The following IPO5 variants were observed in gnomAD, a reference collection of about 807,000 sequenced individuals.
IPO5 encodes importin-5.
In IPO5, 18 loss-of-function variants were observed where a neutral mutation model predicts 143.3. That is an observed-to-expected ratio of 0.13 (90% CI 0.09 to 0.19). IPO5 has a LOEUF of 0.19. IPO5 is among the 10% of genes least tolerant of loss of function. The pLI is 1.00. For synonymous variants in IPO5, 477 were observed against 465.7 expected, an observed-to-expected ratio of 1.02 and a Z score of -0.31; for missense variants, 1,013 against 1,336.9, an observed-to-expected ratio of 0.76 and a Z score of 3.78.
intron 2 of IPO5, among the ~76,000 whole-genome samples, chr13:97,961,642 C>T (rs1279246963): frequency 6.6e-6 from 1 of 152,120 alleles, no homozygotes; most frequent in African/African-American, 2.4e-5. Flanking sequence ...TGGTAACTTA[C>T]ATTGTGGTTT....
chr13:98,019,880 A>T, intron 27 of IPO5, 71 bp downstream of exon 27: 1 of 999,556 alleles, frequency 1.0e-6, no homozygotes, highest in Non-Finnish European at 1.6e-6. Flanking sequence ...GCCTAACATC[A>T]GTCTTTTAAG....
intron 9 of IPO5, 46 bp from the exon 10 acceptor site, chr13:97,992,846 T>G: frequency 6.4e-7 from 1 of 1,570,680 alleles, no homozygotes; most frequent in South Asian, 1.2e-5. Flanking sequence ...AATGAGGCAT[T>G]ATAAAGTGAA....
intron 21 of IPO5, among the ~76,000 whole-genome samples, chr13:98,012,563 T>C (rs1889792950): frequency 1.3e-5 from 2 of 152,192 alleles, no homozygotes; most frequent in Non-Finnish European, 2.9e-5. Context: ...TTTGTCAGCT[T>C]TCTGTGGCCC....
intron 11 of IPO5, among the ~76,000 whole-genome samples, chr13:97,996,935 A>G (rs1328017350): frequency 4.6e-5 from 7 of 152,186 alleles, no homozygotes; most frequent in Non-Finnish European, 1.0e-4. Context: ...AGTAATAACA[A>G]TTTCATGCCT....
In IPO5 at chr13:98,002,888, A is replaced by T. The variant is rs768172361; in HGVS notation, c.1348A>T (p.Met450Leu). ...GGTGATTGCAGCTCTGCTGCAGACC[A>T]TGGAAGACCAAGGCAATCAACGTGT... ...EKVIAALLQT[M>L]EDQGNQRVQA... Residue 450 changes from methionine (M) to leucine (L), a missense_variant, in exon 16 of 29, where the codon ATG (methionine) becomes TTG (leucine). Around this residue, in one of 2 missense-constraint regions of IPO5, gnomAD observed 685 missense variants for 994.9 expected, o/e 0.69. Coordinates refer to ENST00000651721, the MANE Select transcript of IPO5 (RefSeq NM_002271.6). 2.5e-6 allele frequency: 4 copies of T among 1,613,222 alleles called. No individual in the cohort carries two copies. Among genetic ancestry groups the T allele is most frequent in the East Asian group, 2.2e-5 (1 of 44,896 alleles).
At chr13:97,989,292 G>C (rs561465098) in intron 7 of IPO5, 128 bp downstream of exon 7, 47 of 522,256 alleles carry the variant, frequency 9.0e-5, no homozygotes, top group Middle Eastern at 4.2e-4. Flanking sequence ...CATAAGTTTT[G>C]TTTGTATTTG....
intron 16 of IPO5, among the ~76,000 whole-genome samples, chr13:98,004,775 T>G (rs1483927320): frequency 6.6e-6 from 1 of 152,194 alleles, no homozygotes; most frequent in African/African-American, 2.4e-5. Flanking sequence ...GTTGAATGTG[T>G]AACACAAGTT....
intron 11 of IPO5, among the ~76,000 whole-genome samples, chr13:97,997,114 A>G (rs1888358077): frequency 6.6e-6 from 1 of 152,242 alleles, no homozygotes; most frequent in South Asian, 2.1e-4. Context: ...AGAAAAAAGC[A>G]AATTGCCGAG....
At chr13:97,988,283 G>T (rs549196540) in intron 6 of IPO5, among the ~76,000 whole-genome samples, 2 of 152,280 alleles carry the variant, frequency 1.3e-5, no homozygotes, top group East Asian at 3.9e-4. Context: ...TGCAAAGTGT[G>T]AGCACCCTGT....
chr13:97,961,016 C>T (rs1404368694), intron 2 of IPO5, among the ~76,000 whole-genome samples: 2 of 152,184 alleles, frequency 1.3e-5, no homozygotes, highest in Non-Finnish European at 2.9e-5. Flanking sequence ...ACATGGCAAG[C>T]ACCAATCTAC....
At chr13:98,008,025 A>G (rs1889411022) in intron 17 of IPO5, 34 bp from the exon 18 acceptor site, 1 of 1,392,954 alleles carries the variant, frequency 7.2e-7, no homozygotes, top group Non-Finnish European at 1.0e-6. Flanking sequence ...AAAATTCGGT[A>G]TCAACAAGTG....
Position 97,985,435 on chromosome 13 carries a change from C to T in IPO5, c.186C>T (p.Ala62=), listed in dbSNP as rs35219274. 2.8e-4 allele frequency: 457 copies of T among 1,613,764 alleles called. 1 individual carries two copies. The African/African-American group carries it at 5.0e-3, about 18-fold the overall frequency. ...TTAAEEARQM[A]AVLLRRLLSS... ...TCTGTTTATAGGCTAGACAAATGGC[C>T]GCCGTTCTCCTAAGACGTCTCTTGT... Residue 62 remains alanine, a synonymous_variant, in exon 6 of 29, where the codon GCC becomes GCT. Coordinates refer to ENST00000651721, the MANE Select transcript of IPO5 (RefSeq NM_002271.6).
At chr13:97,967,901 G>A (rs1885487576) in intron 2 of IPO5, among the ~76,000 whole-genome samples, 1 of 152,126 alleles carries the variant, frequency 6.6e-6, no homozygotes, top group African/African-American at 2.4e-5. Flanking sequence ...AATATGCTGG[G>A]ATTACAGGCA....
intron 1 of IPO5, 87 bp from the exon 2 acceptor site, chr13:97,954,032 G>C: frequency 2.7e-6 from 1 of 373,462 alleles, no homozygotes; most frequent in Non-Finnish European, 5.4e-6. Flanking sequence ...CACTTGATTA[G>C]AGTTGCCCAA....
chr13:97,991,969 C>G (rs1021964786), intron 9 of IPO5, among the ~76,000 whole-genome samples: 4 of 152,294 alleles, frequency 2.6e-5, no homozygotes, highest in African/African-American at 7.2e-5. Context: ...GAAATATCTC[C>G]TGGGTGAAAA....
intron 2 of IPO5, among the ~76,000 whole-genome samples, chr13:97,963,914 T>C (rs1024792545): frequency 9.9e-5 from 15 of 152,182 alleles, no homozygotes; most frequent in African/African-American, 2.9e-4. Flanking sequence ...TGATATCTCA[T>C]TGTGGTTTTG....
At chr13:97,973,245 G>A (rs1412237925) in intron 3 of IPO5, among the ~76,000 whole-genome samples, 4 of 151,544 alleles carry the variant, frequency 2.6e-5, no homozygotes, top group Non-Finnish European at 5.9e-5. Flanking sequence ...ACGGGGTCTC[G>A]CCCTGTTGGC....
chr13:98,000,211 G>A (rs1888646794), intron 12 of IPO5, among the ~76,000 whole-genome samples: 1 of 152,078 alleles, frequency 6.6e-6, no homozygotes, highest in South Asian at 2.1e-4. Context: ...CATGAAGCTG[G>A]GAGGCGGAGC....
At chr13:97,982,377 A>T (rs1348767489) in intron 4 of IPO5, 126 bp from the exon 5 acceptor site, 2 of 628,560 alleles carry the variant, frequency 3.2e-6, no homozygotes, top group Admixed American at 5.9e-5. Flanking sequence ...ATGTCACAGA[A>T]GGTGTTAACA....
Sources: allele counts gnomAD v4.1 joint callset (sites outside exome capture counted in the v4.1 genomes callset), GRCh38; gene constraint gnomAD v4.1.1; regional missense constraint gnomAD v4.1.1; transcripts MANE v1.5; gene names NCBI Gene and HGNC (gene_info 2026-07-23, HGNC 2026-07-21).